The following DYNC2H1 variants were observed in gnomAD, a reference collection of about 807,000 sequenced individuals.
DYNC2H1 encodes the protein dynein cytoplasmic 2 heavy chain 1.
In DYNC2H1, 410 loss-of-function variants were observed where a neutral mutation model predicts 570.0. The observed-to-expected ratio is 0.72, with a 90% CI of 0.66 to 0.78. DYNC2H1 has a LOEUF of 0.78. Ranked by LOEUF, DYNC2H1 falls within the 30% of genes least tolerant of loss-of-function variation. DYNC2H1 has a pLI of 0.00. For missense variants in DYNC2H1, 4,865 were observed against 5,046.4 expected (o/e 0.96, Z 1.09); for synonymous variants, 1,688 against 1,677.6 (o/e 1.01, Z -0.15).
chr11:103,214,109 T>C (rs664310), intron 54 of DYNC2H1, among the ~76,000 whole-genome samples: 125,439 of 152,174 alleles, frequency 0.82, 51,892 homozygotes, highest in African/African-American at 0.86. Flanking sequence ...ATATATACTT[T>C]GCTGAAAATC....
intron 84 of DYNC2H1, among the ~76,000 whole-genome samples, chr11:103,421,183 C>G (rs558832839): frequency 1.3e-5 from 2 of 152,160 alleles, no homozygotes; most frequent in South Asian, 2.1e-4. Flanking sequence ...AGCTAACTAT[C>G]TCAAATAGAT....
intron 88 of DYNC2H1, among the ~76,000 whole-genome samples, chr11:103,477,832 C>CAAAAA (rs55817710): frequency 0.029 from 2,094 of 72,426 alleles, 140 homozygotes; most frequent in Middle Eastern, 0.041. Flanking sequence ...CTCCCCATCT[C>CAAAAA]AAAAAAAAAA....
At chr11:103,385,851 C>T (rs1687819777) in intron 83 of DYNC2H1, among the ~76,000 whole-genome samples, 4 of 152,170 alleles carry the variant, frequency 2.6e-5, no homozygotes, top group Admixed American at 2.6e-4. Flanking sequence ...CCATTTTTCT[C>T]TACCCCTTGT....
At chr11:103,115,344 T>C in intron 4 of DYNC2H1, 49 bp downstream of exon 4, 1 of 1,278,398 alleles carries the variant, frequency 7.8e-7, no homozygotes, top group East Asian at 2.6e-5. Context: ...TAAAAGTACT[T>C]TGGGATTCAA....
chr11:103,271,797 A>G (rs952772645), intron 70 of DYNC2H1, among the ~76,000 whole-genome samples: 1 of 152,246 alleles, frequency 6.6e-6, no homozygotes, highest in Admixed American at 6.5e-5. Context: ...GAAGACATTT[A>G]TGCAGCCAAC....
At chr11:103,361,776 A>C (rs1392098315) in intron 83 of DYNC2H1, among the ~76,000 whole-genome samples, 1 of 152,130 alleles carries the variant, frequency 6.6e-6, no homozygotes, top group Non-Finnish European at 1.5e-5. Context: ...ATAGGGAAAC[A>C]AACAAACAAA....
At chr11:103,122,070 T>G (rs754573129) in intron 10 of DYNC2H1, among the ~76,000 whole-genome samples, 1 of 152,234 alleles carries the variant, frequency 6.6e-6, no homozygotes, top group Non-Finnish European at 1.5e-5. Context: ...AATTATGGCA[T>G]GGTCTAAGGT....
intron 87 of DYNC2H1, among the ~76,000 whole-genome samples, chr11:103,462,002 T>A (rs950152534): frequency 5.9e-5 from 9 of 152,178 alleles, no homozygotes; most frequent in Non-Finnish European, 1.5e-5. Flanking sequence ...CATTTAATAT[T>A]CAGTCCAAAA....
intron 55 of DYNC2H1, 140 bp downstream of exon 55, chr11:103,215,998 T>C: frequency 1.9e-6 from 2 of 1,038,412 alleles, no homozygotes; most frequent in Non-Finnish European, 2.7e-6. Context: ...TATTATGTCC[T>C]TAAGCTTTTG....
Position 103,117,711 on chromosome 11 carries a change from A to G in DYNC2H1, c.847A>G (p.Ser283Gly). The part of the protein sequence containing the change: ...WEDPYYLVKE[S>G]LKAGISICEQ... ...AGATCCTTATTATCTTGTGAAAGAA[A>G]GTCTGAAAGCTGGTATTTCAATTTG... Residue 283 changes from serine to glycine, a missense_variant, in exon 6 of 89, where the codon AGT becomes GGT. Physicochemically the swap from Ser to Gly is moderately conservative, Grantham distance 56. This residue lies in a region of DYNC2H1 where 1,936 missense variants were observed against 1,962.1 expected (regional missense o/e 0.99). Transcript: ENST00000375735. 6.2e-7 allele frequency: 1 copy of G among 1,612,822 alleles called. No individual in the cohort carries two copies. Among genetic ancestry groups the G allele is most frequent in the South Asian group, 1.1e-5 (1 of 90,920 alleles).
chr11:103,421,747 A>T (rs1473385023), intron 84 of DYNC2H1, among the ~76,000 whole-genome samples: 3 of 152,162 alleles, frequency 2.0e-5, no homozygotes, highest in Non-Finnish European at 4.4e-5. Context: ...TGCCCACATC[A>T]AAAAGCTGGA....
rs1398108075 is a variant in DYNC2H1 at position 103,245,115 on chromosome 11, G to A, written c.9919-136G>A. The A allele has an allele frequency of 1.3e-5, 9 of 681,116 alleles. No individual in the cohort carries two copies. Among genetic ancestry groups the A allele is most frequent in the Admixed American group, 7.0e-5 (2 of 28,454 alleles). The allele number at this position is 681,116 out of a possible 1,614,324, so 42.2% of individuals were successfully genotyped here. On this transcript the variant is annotated intron_variant, in intron 64 of 88. Transcript: ENST00000375735. This position sits in a 1 kb window ranked among gnomAD's most constrained non-coding sequence, Gnocchi z 4.5. Reference sequence around the variant, plus strand: ...GTAGGGTTCTTATTAATACTTGGGTGAGTAATTTATTACCTATAGAATCTG... The same window carrying A: ...GTAGGGTTCTTATTAATACTTGGGTAAGTAATTTATTACCTATAGAATCTG...
chr11:103,222,317 A>G (rs907063605), intron 58 of DYNC2H1, among the ~76,000 whole-genome samples, 164 bp downstream of exon 58: 1 of 152,200 alleles, frequency 6.6e-6, no homozygotes, highest in Non-Finnish European at 1.5e-5. Context: ...CATCAGAATC[A>G]GGTAAATTAG....
chr11:103,314,499 A>C (rs1937699815), intron 79 of DYNC2H1, among the ~76,000 whole-genome samples: 1 of 152,020 alleles, frequency 6.6e-6, no homozygotes, highest in South Asian at 2.1e-4. Flanking sequence ...TGCAATGGAG[A>C]TCCCTATGCA....
At chr11:103,309,168 ATTTTTTT>A (rs386374721) in intron 78 of DYNC2H1, among the ~76,000 whole-genome samples, 4 of 54,644 alleles carry the variant, frequency 7.3e-5, no homozygotes, top group African/African-American at 1.3e-4. Context: ...ACTGCATGCT[ATTTTTTT>A]TTTTTTTTTT....
At position 103,257,637 on chromosome 11, in the gene DYNC2H1, G is replaced by C. The variant is rs886047575; in HGVS notation, c.10491G>C (p.Glu3497Asp). The C allele has an allele frequency of 3.1e-6, 5 of 1,612,552 alleles. No homozygotes were observed. Among genetic ancestry groups the C allele is most frequent in the Non-Finnish European group, 3.4e-6 (4 of 1,179,076 alleles). The change falls in exon 69 of 89, where the codon GAG (glutamate) becomes GAC (aspartate). Residue 3497 changes from glutamate (E) to aspartate (D), a missense_variant. This residue lies in a region of DYNC2H1 where 2,401 missense variants were observed against 2,454.6 expected (regional missense o/e 0.98). Transcript: ENST00000375735. Reference protein sequence around the residue: ...QERDAYLPLAESASKMYFIIS... With the variant: ...QERDAYLPLADSASKMYFIIS... ...GGGATGCCTATCTCCCCCTGGCTGA[G>C]AGTGCCAGCAAGATGTACTTCATTA...
At chr11:103,198,198 T>C in intron 48 of DYNC2H1, 135 bp downstream of exon 48, 1 of 1,021,490 alleles carries the variant, frequency 9.8e-7, no homozygotes, top group Non-Finnish European at 1.4e-6. Flanking sequence ...TTTTGGAATT[T>C]AGTCCATTGT....
intron 75 of DYNC2H1, among the ~76,000 whole-genome samples, chr11:103,301,292 T>C (rs1229140514): frequency 6.6e-6 from 1 of 151,996 alleles, no homozygotes; most frequent in Non-Finnish European, 1.5e-5. Context: ...AAAGCCCTTG[T>C]ACATGCTTCT....
intron 47 of DYNC2H1, among the ~76,000 whole-genome samples, chr11:103,193,517 G>T (rs546853655): frequency 6.6e-6 from 1 of 151,618 alleles, no homozygotes; most frequent in African/African-American, 2.4e-5. Context: ...TCAGTGAAAG[G>T]TTTTCTTTTT....
Sources: allele counts gnomAD v4.1 joint callset (sites outside exome capture counted in the v4.1 genomes callset), GRCh38; gene constraint gnomAD v4.1.1; regional missense constraint gnomAD v4.1.1; non-coding constraint Gnocchi (gnomAD v3.1); transcripts MANE v1.5; gene names NCBI Gene and HGNC (gene_info 2026-07-23, HGNC 2026-07-21).